Variants in LRSAM1 observed in about 807,000 individuals in gnomAD.
LRSAM1 encodes the protein E3 ubiquitin-protein ligase LRSAM1.
A neutral mutation model predicts 118.1 loss-of-function variants in LRSAM1; 96 were observed. The observed-to-expected ratio is 0.81, with a 90% CI of 0.69 to 0.96. LRSAM1 has a LOEUF of 0.96. LRSAM1 is among the 40% of genes least tolerant of loss of function. The pLI is 0.00. For synonymous variants in LRSAM1, 322 were observed against 364.2 expected (o/e 0.88, Z 1.32); for missense variants, 804 against 915.5 (o/e 0.88, Z 1.57).
At chr9:127,500,733 T>TC in intron 24 of LRSAM1, among the ~76,000 whole-genome samples, 1 of 152,282 alleles carries the variant, frequency 6.6e-6, no homozygotes, top group South Asian at 2.1e-4. Flanking sequence ...CTATGAAGCG[T>TC]CCCGGGGACA....
At chr9:127,456,758 C>T (rs923457882) in intron 5 of LRSAM1, among the ~76,000 whole-genome samples, 6 of 151,476 alleles carry the variant, frequency 4.0e-5, no homozygotes, top group African/African-American at 1.5e-4. Context: ...CCCAGCTACT[C>T]GGGAGGGCGA....
At chr9:127,471,199 C>T (rs1278080613) in intron 10 of LRSAM1, among the ~76,000 whole-genome samples, 2 of 151,934 alleles carry the variant, frequency 1.3e-5, no homozygotes, top group Non-Finnish European at 2.9e-5. Context: ...GATTTTGGGG[C>T]CGAACAAGGT....
At chr9:127,457,148 A>C (rs536238555) in intron 5 of LRSAM1, among the ~76,000 whole-genome samples, 168 bp from the exon 6 acceptor site, 3 of 152,236 alleles carry the variant, frequency 2.0e-5, no homozygotes, top group Non-Finnish European at 2.9e-5. Flanking sequence ...GAAGGGCATT[A>C]GATTCCCCAT....
intron 12 of LRSAM1, 73 bp from the exon 13 acceptor site, chr9:127,479,310 G>T: frequency 6.2e-7 from 1 of 1,609,532 alleles, no homozygotes; most frequent in Non-Finnish European, 8.5e-7. Flanking sequence ...GTTGAGGGGT[G>T]GATTCTCCCG....
chr9:127,500,042 G>A (rs1836318076), intron 24 of LRSAM1, among the ~76,000 whole-genome samples: 1 of 151,912 alleles, frequency 6.6e-6, no homozygotes, highest in African/African-American at 2.4e-5. Flanking sequence ...CAAGGAAGTG[G>A]GTGGCTCACG....
rs1016433551 is a variant in LRSAM1, at chr9:127,455,714, A to T, written c.174+94A>T. ...TTGAGGAGCTGTCTTCCCGGCGTAGACACCTCCTTTCTCTCTGCTTCTTAT... is the reference window on the plus strand; with the variant it reads ...TTGAGGAGCTGTCTTCCCGGCGTAGTCACCTCCTTTCTCTCTGCTTCTTAT... On this transcript the variant is annotated intron_variant, in intron 5 of 25. Coordinates refer to ENST00000300417, the MANE Select transcript of LRSAM1 (RefSeq NM_001005373.4). 1.3e-5 allele frequency: 15 copies of T among 1,173,232 alleles called. No individual in the cohort carries two copies. In the African/African-American group the frequency reaches 2.0e-4, roughly 15 times the overall value. 72.7% of individuals were successfully genotyped at this position (1,173,232 alleles called of 1,614,324 possible). A position where few individuals can be genotyped will look rare whatever the true frequency, so the allele number is the denominator to read the frequency against.
At chr9:127,463,334 T>C (rs1178917990) in intron 9 of LRSAM1, among the ~76,000 whole-genome samples, 1 of 151,980 alleles carries the variant, frequency 6.6e-6, no homozygotes, top group Non-Finnish European at 1.5e-5. Flanking sequence ...GCTGCTGAGC[T>C]TGTGTGATAT....
rs1189386326 is a variant in LRSAM1, at chr9:127,479,888, A to G, written c.953A>G (p.Asn318Ser). The G allele has an allele frequency of 1.2e-6, 2 of 1,612,594 alleles. No individual in the cohort carries two copies. The highest frequency in any genetic ancestry group is 1.3e-5 in the African/African-American group (1 of 75,022). Residue 318 changes from asparagine (N) to serine (S), a missense_variant, in exon 14 of 26, where the codon AAC becomes AGC. Transcript: ENST00000300417. ...CTGAGTGAGCACCAGCGCCACCTCAACGCAGAGCGGCAGCGGCTGCAGGAG... is the reference window on the plus strand; with the variant it reads ...CTGAGTGAGCACCAGCGCCACCTCAGCGCAGAGCGGCAGCGGCTGCAGGAG... ...QGLSEHQRHL[N>S]AERQRLQEQL...
At chr9:127,456,176 A>AG (rs1260763349) in intron 5 of LRSAM1, among the ~76,000 whole-genome samples, 11 of 151,450 alleles carry the variant, frequency 7.3e-5, no homozygotes, top group Non-Finnish European at 1.5e-4. Context: ...AAAAAAAAAA[A>AG]AAAAAAGTGT....
At chr9:127,488,033 T>C (rs555301295) in intron 18 of LRSAM1, among the ~76,000 whole-genome samples, 33 of 152,072 alleles carry the variant, frequency 2.2e-4, no homozygotes, top group African/African-American at 7.2e-4. Flanking sequence ...GGAGGCTCCA[T>C]TGGAAGGACT....
chr9:127,460,853 T>TTTC (rs1353716800), intron 7 of LRSAM1, among the ~76,000 whole-genome samples: 1 of 118,584 alleles, frequency 8.4e-6, no homozygotes, highest in Non-Finnish European at 1.7e-5. Context: ...CTTTCTTTTT[T>TTTC]TTTTTTTTTT....
intron 12 of LRSAM1, 137 bp from the exon 13 acceptor site, chr9:127,479,246 C>T (rs10987663): frequency 7.7e-7 from 1 of 1,298,546 alleles, no homozygotes; most frequent in South Asian, 1.2e-5. Flanking sequence ...CAGTTGGGCC[C>T]TGGAGGGGAG....
Position 127,454,579 on chromosome 9 carries a change from C to A in LRSAM1, c.52C>A (p.Leu18Met). ...ACCCAGTGAGGAGGCTCGGAAACGC[C>A]TGGAGTACCAGATGTGTTTGGTGAG... ...RKPSEEARKR[L>M]EYQMCLAKEA... Residue 18 changes from leucine to methionine, a missense_variant, in exon 3 of 26, where the codon CTG becomes ATG. By Grantham distance (15) the Leu-to-Met change is conservative. Transcript: ENST00000300417. The A allele has an allele frequency of 6.2e-7, 1 of 1,613,960 alleles. No individual in the cohort carries two copies. Among genetic ancestry groups the A allele is most frequent in the Non-Finnish European group, 8.5e-7 (1 of 1,179,986 alleles).
intron 7 of LRSAM1, among the ~76,000 whole-genome samples, chr9:127,460,003 G>A (rs1040041940): frequency 4.0e-5 from 6 of 151,476 alleles, no homozygotes; most frequent in African/African-American, 1.2e-4. Context: ...ATCATTTTTT[G>A]TTTGTTTGTA....
intron 10 of LRSAM1, among the ~76,000 whole-genome samples, chr9:127,470,025 G>T (rs1437240042): frequency 6.6e-6 from 1 of 151,870 alleles, no homozygotes; most frequent in Non-Finnish European, 1.5e-5. Flanking sequence ...GCAAAGATGT[G>T]GAGCAACAGG....
chr9:127,495,380 C>A lies in LRSAM1; in HGVS notation c.1660C>A (p.Arg554=). The change falls in exon 22 of 26, where the codon CGG becomes AGG. Residue 554 remains arginine (R), a synonymous_variant. Coordinates refer to ENST00000300417, the MANE Select transcript of LRSAM1 (RefSeq NM_001005373.4). ...QENYWLIQYQ[R]LLNQKPLSLK... Reference sequence around the variant, plus strand: ...AAATTACTGGCTGATTCAGTATCAACGGCTTTTGAACCAGAAGCCCTTGTC... The same window carrying A: ...AAATTACTGGCTGATTCAGTATCAAAGGCTTTTGAACCAGAAGCCCTTGTC... The A allele has an allele frequency of 6.2e-7, 1 of 1,614,014 alleles. No individual in the cohort carries two copies. Among genetic ancestry groups the A allele is most frequent in the Non-Finnish European group, 8.5e-7 (1 of 1,180,020 alleles).
At chr9:127,458,936 G>C in intron 6 of LRSAM1, 67 bp from the exon 7 acceptor site, 1 of 1,554,124 alleles carries the variant, frequency 6.4e-7, no homozygotes. Context: ...CCCCTCCTCA[G>C]CGCTCTGGAG....
At chr9:127,453,765 T>C (rs990496457) in intron 2 of LRSAM1, 5 of 153,228 alleles carry the variant, frequency 3.3e-5, no homozygotes, top group African/African-American at 1.2e-4. Flanking sequence ...TGCTGCTCAA[T>C]GTTTAGTCAA....
rs1327228926 is a variant in LRSAM1 at position 127,454,451 on chromosome 9, G to A, written c.-32-45G>A. The A allele has an allele frequency of 2.1e-5, 30 of 1,459,798 alleles. No homozygotes were observed. In the East Asian group the frequency reaches 6.8e-4, roughly 33 times the overall value. 90.4% of individuals were successfully genotyped at this position (1,459,798 alleles called of 1,614,324 possible). A position where few individuals can be genotyped will look rare whatever the true frequency, so the allele number is the denominator to read the frequency against. ...GCACTACCTGTCCCGGGTGTTGGGG[G>A]CTGTGACAAATTCCCCAGTCCCTAA... is the stretch of plus-strand genomic sequence containing the variant. On this transcript the variant is annotated intron_variant, in intron 2 of 25. Coordinates refer to ENST00000300417, the MANE Select transcript of LRSAM1 (RefSeq NM_001005373.4).
Sources: allele counts gnomAD v4.1 joint callset (sites outside exome capture counted in the v4.1 genomes callset), GRCh38; gene constraint gnomAD v4.1.1; transcripts MANE v1.5; gene names NCBI Gene and HGNC (gene_info 2026-07-23, HGNC 2026-07-21).